The following RNF144B variants were observed in gnomAD, a reference collection of about 807,000 sequenced individuals.
RNF144B encodes the protein ring finger protein 144B.
RNF144B carries 25 observed loss-of-function variants against 40.2 expected under a neutral mutation model. That is an observed-to-expected ratio of 0.62 (90% CI 0.45 to 0.87). RNF144B has a LOEUF of 0.87. Among genes scored for constraint, RNF144B ranks in the 40% least tolerant of loss-of-function variants. The pLI is 0.00. For synonymous variants in RNF144B, 145 were observed against 136.3 expected, an observed-to-expected ratio of 1.06 and a Z score of -0.44; for missense variants, 365 against 373.7, an observed-to-expected ratio of 0.98 and a Z score of 0.19.
In RNF144B at chr6:18,406,717, T is replaced by G. The variant is rs1307882810; in HGVS notation, c.165+7018T>G. Among the ~76,000 whole-genome samples the G allele has an allele frequency of 1.3e-5, 2 of 152,074 alleles. No individual in the cohort carries two copies. The highest frequency in any genetic ancestry group is 4.8e-5 in the African/African-American group (2 of 41,406). On this transcript the variant is annotated intron_variant, in intron 2 of 7. Transcript: ENST00000259939. The surrounding 1 kb of genome is among the most constrained non-coding windows in gnomAD (Gnocchi z 4.2). ...GAATTCTTTCCTCCTTTTGTTCTTT[T>G]TAGGCCCTTAATGGATTGGATGATG...
chr6:18,417,404 T>C (rs767544119), intron 2 of RNF144B, among the ~76,000 whole-genome samples: 3 of 152,110 alleles, frequency 2.0e-5, no homozygotes, highest in Non-Finnish European at 1.5e-5. Context: ...GAATTGAGAG[T>C]CCATAAATAA....
At position 18,416,972 on chromosome 6, in the gene RNF144B, A is replaced by C. The variant is rs147295962; in HGVS notation, c.166-10609A>C. Among the ~76,000 whole-genome samples the C allele has an allele frequency of 3.2e-3, 487 of 152,332 alleles. 5 individuals are homozygous for C. Among genetic ancestry groups the C allele is most frequent in the African/African-American group, 0.011 (456 of 41,568 alleles). ...ATTGTATTTCCATATACTAGTAAGA[A>C]ATAATATAATTGCATTAATAAGAAA... On this transcript the variant is annotated intron_variant, in intron 2 of 7. Transcript: ENST00000259939. The surrounding 1 kb of genome is among the most constrained non-coding windows in gnomAD (Gnocchi z 5.5).
intron 6 of RNF144B, among the ~76,000 whole-genome samples, chr6:18,463,034 A>G (rs1465296760): frequency 2.0e-5 from 3 of 151,748 alleles, no homozygotes; most frequent in Admixed American, 6.6e-5. Flanking sequence ...TTGCTAAGAT[A>G]AGTAGTCAGG....
chr6:18,413,844 T>C (rs1795094705), intron 2 of RNF144B, among the ~76,000 whole-genome samples: 1 of 152,188 alleles, frequency 6.6e-6, no homozygotes, highest in Non-Finnish European at 1.5e-5. Flanking sequence ...CCCTAGGTAA[T>C]GTGTTAATTA....
chr6:18,399,423 CTGG>C, intron 1 of RNF144B, 73 bp from the exon 2 acceptor site: 1 of 1,022,856 alleles, frequency 9.8e-7, no homozygotes, highest in East Asian at 2.6e-5. Flanking sequence ...ATTTGATCAG[CTGG>C]CCTCCAGACG....
Position 18,463,335 on chromosome 6 carries a change from T to C in RNF144B, c.726T>C (p.Asn242=), listed in dbSNP as rs1369883047. The C allele has an allele frequency of 6.2e-7, 1 of 1,611,870 alleles. No individual in the cohort carries two copies. Among genetic ancestry groups the C allele is most frequent in the Non-Finnish European group, 8.5e-7 (1 of 1,177,936 alleles). The change falls in exon 7 of 8, where the codon AAT becomes AAC. Residue 242 remains asparagine (N), a synonymous_variant. Transcript: ENST00000259939. ...LRHYDKGPCR[N]KLGHSRASVM... Reference sequence around the variant, plus strand: ...ATTATGACAAAGGGCCATGCAGGAATAAACTTGGCCACTCAAGAGCATCAG... The same window carrying C: ...ATTATGACAAAGGGCCATGCAGGAACAAACTTGGCCACTCAAGAGCATCAG...
intron 1 of RNF144B, among the ~76,000 whole-genome samples, chr6:18,399,124 G>A (rs1794747026): frequency 6.6e-6 from 1 of 152,126 alleles, no homozygotes; most frequent in African/African-American, 2.4e-5. Context: ...CCATTTTCAA[G>A]TATACAGTGT....
chr6:18,448,725 C>T lies in RNF144B; in HGVS notation c.332-8430C>T, dbSNP rs1759141902. Among the ~76,000 whole-genome samples, 1 of 151,444 alleles carries T rather than the reference C, an allele frequency of 6.6e-6. No homozygotes were observed. The highest frequency in any genetic ancestry group is 6.6e-5 in the Admixed American group (1 of 15,152). On this transcript the variant is annotated intron_variant, in intron 4 of 7. Coordinates refer to ENST00000259939, the MANE Select transcript of RNF144B (RefSeq NM_182757.4). The surrounding 1 kb of genome is among the most constrained non-coding windows in gnomAD (Gnocchi z 4.0). Reference sequence around the variant, plus strand: ...ACACACACACACACACACCCCACCCCCAAGATAGAACCAGCAAAAGTTTCA... The same window carrying T: ...ACACACACACACACACACCCCACCCTCAAGATAGAACCAGCAAAAGTTTCA...
In RNF144B at chr6:18,398,738, C is replaced by G. The variant is rs945297811; in HGVS notation, c.-36-761C>G. Among the ~76,000 whole-genome samples the G allele has an allele frequency of 5.3e-5, 8 of 152,140 alleles. No homozygotes were observed. The highest frequency in any genetic ancestry group is 1.9e-4 in the African/African-American group (8 of 41,444). On this transcript the variant is annotated intron_variant, in intron 1 of 7. Coordinates refer to ENST00000259939, the MANE Select transcript of RNF144B (RefSeq NM_182757.4). The surrounding 1 kb of genome is among the most constrained non-coding windows in gnomAD (Gnocchi z 5.0). ...CACTTGGGTTGCCTCCACTGTTTGG[C>G]TATTGTGAATAATGTTGCTATGAAT...
intron 2 of RNF144B, among the ~76,000 whole-genome samples, chr6:18,417,451 C>T (rs1795166163): frequency 6.6e-6 from 1 of 152,050 alleles, no homozygotes; most frequent in South Asian, 2.1e-4. Context: ...TGATTTTCAA[C>T]AAGGGTGCCA....
intron 3 of RNF144B, among the ~76,000 whole-genome samples, chr6:18,430,235 C>T (rs1758662683): frequency 6.6e-6 from 1 of 152,216 alleles, no homozygotes; most frequent in Non-Finnish European, 1.5e-5. Context: ...TCAGCAGTCA[C>T]ATGTGGCTAA....
rs1758527776 is a variant in RNF144B at position 18,425,349 on chromosome 6, G to A, written c.166-2232G>A. 6.6e-6 allele frequency among the ~76,000 whole-genome samples: 1 copy of A among 152,162 alleles called. No individual in the cohort carries two copies. The highest frequency in any genetic ancestry group is 2.1e-4 in the South Asian group (1 of 4,822). On this transcript the variant is annotated intron_variant, in intron 2 of 7. Coordinates refer to ENST00000259939, the MANE Select transcript of RNF144B (RefSeq NM_182757.4). The surrounding 1 kb of genome is among the most constrained non-coding windows in gnomAD (Gnocchi z 4.2). ...GTGGGAAGATCAAGGCAGTAACAAT[G>A]GAACAGGTGTGGCTGATGGAAGGCT...
intron 2 of RNF144B, among the ~76,000 whole-genome samples, chr6:18,402,931 T>A (rs1318334228): frequency 6.6e-6 from 1 of 152,232 alleles, no homozygotes; most frequent in Non-Finnish European, 1.5e-5. Context: ...TGGGCATAGT[T>A]CTTACTGGCA....
At chr6:18,404,388 G>A (rs1288976729) in intron 2 of RNF144B, among the ~76,000 whole-genome samples, 1 of 152,184 alleles carries the variant, frequency 6.6e-6, no homozygotes, top group East Asian at 1.9e-4. Context: ...GCCTTCTCTA[G>A]ACTTTAGTTT....
At position 18,446,518 on chromosome 6, in the gene RNF144B, A is replaced by G. The variant is rs935518082; in HGVS notation, c.331+6774A>G. Among the ~76,000 whole-genome samples, 1 of 152,206 alleles carries G rather than the reference A, an allele frequency of 6.6e-6. No homozygotes were observed. The highest frequency in any genetic ancestry group is 2.4e-5 in the African/African-American group (1 of 41,450). Reference sequence around the variant, plus strand: ...CTGTTCTCTGGAAACACCTGAATGTAGGGCTGAACAAAATAGAACTTGGCT... The same window carrying G: ...CTGTTCTCTGGAAACACCTGAATGTGGGGCTGAACAAAATAGAACTTGGCT... On this transcript the variant is annotated intron_variant, in intron 4 of 7. Coordinates refer to ENST00000259939, the MANE Select transcript of RNF144B (RefSeq NM_182757.4). This position sits in a 1 kb window ranked among gnomAD's most constrained non-coding sequence, Gnocchi z 4.7.
intron 1 of RNF144B, among the ~76,000 whole-genome samples, chr6:18,390,695 C>T (rs1794562234): frequency 1.3e-5 from 2 of 152,200 alleles, no homozygotes; most frequent in Admixed American, 1.3e-4. Context: ...GAAGATAAAA[C>T]AAGACAACTC....
chr6:18,452,761 A>C (rs1759237229), intron 4 of RNF144B, among the ~76,000 whole-genome samples: 1 of 152,106 alleles, frequency 6.6e-6, no homozygotes, highest in Non-Finnish European at 1.5e-5. Flanking sequence ...GCAAATGTTA[A>C]AGTATATTTC....
chr6:18,390,798 C>T (rs182934452), intron 1 of RNF144B, among the ~76,000 whole-genome samples: 75 of 152,344 alleles, frequency 4.9e-4, no homozygotes, highest in African/African-American at 1.5e-3. Context: ...ACCTCCTCAA[C>T]TAGTTGACTC....
chr6:18,451,782 T>C (rs556201784), intron 4 of RNF144B, among the ~76,000 whole-genome samples: 4 of 152,266 alleles, frequency 2.6e-5, no homozygotes, highest in African/African-American at 7.2e-5. Flanking sequence ...GGAAGTAAAA[T>C]AAAAGTTATG....
Sources: allele counts gnomAD v4.1 joint callset (sites outside exome capture counted in the v4.1 genomes callset), GRCh38; gene constraint gnomAD v4.1.1; non-coding constraint Gnocchi (gnomAD v3.1); transcripts MANE v1.5; gene names NCBI Gene and HGNC (gene_info 2026-07-23, HGNC 2026-07-21).